NCALD: variants seen among roughly 807,000 people sequenced by gnomAD.
NCALD encodes neurocalcin delta.
Under a neutral mutation model 18.6 loss-of-function variants are expected in NCALD, and 10 were observed. The ratio of observed to expected loss-of-function variants is 0.54; its 90% CI spans 0.33 to 0.91. The LOEUF (loss-of-function observed/expected upper bound fraction) is 0.91, where lower values mean the gene tolerates loss of function less well. Among genes scored for constraint, NCALD ranks in the 40% least tolerant of loss-of-function variants. The pLI, the probability that NCALD is intolerant of heterozygous loss-of-function variation, is 0.03. For missense variants in NCALD, 184 were observed against 247.6 expected, an observed-to-expected ratio of 0.74 and a Z score of 1.72; for synonymous variants, 88 against 87.4, an observed-to-expected ratio of 1.01 and a Z score of -0.04.
chr8:101,925,666 ATTTC>A (rs1389100165), intron 2 of NCALD, among the ~76,000 whole-genome samples: 2 of 152,120 alleles, frequency 1.3e-5, no homozygotes, highest in East Asian at 1.9e-4. Context: ...AGGGCATGGG[ATTTC>A]TTTGAGTCAT....
intron 2 of NCALD, among the ~76,000 whole-genome samples, chr8:101,945,947 G>A (rs1260616710): frequency 6.6e-6 from 1 of 152,196 alleles, no homozygotes; most frequent in Non-Finnish European, 1.5e-5. Flanking sequence ...ACGGGCTCCA[G>A]AAGCCCTCCC....
chr8:101,839,564 G>T (rs1814556197), intron 4 of NCALD, among the ~76,000 whole-genome samples: 1 of 152,106 alleles, frequency 6.6e-6, no homozygotes, highest in Non-Finnish European at 1.5e-5. Context: ...CCTCACTAAA[G>T]AATACAATTA....
chr8:101,717,049 C>A (rs1193543698), intron 2 of NCALD, among the ~76,000 whole-genome samples: 1 of 152,220 alleles, frequency 6.6e-6, no homozygotes, highest in Non-Finnish European at 1.5e-5. Context: ...CTTCTGACCT[C>A]AAGAACAATA....
At chr8:101,989,258 T>C (rs1263994411) in intron 2 of NCALD, among the ~76,000 whole-genome samples, 2 of 152,168 alleles carry the variant, frequency 1.3e-5, no homozygotes, top group African/African-American at 4.8e-5. Flanking sequence ...AGCACACAGT[T>C]TTCAAAAGGA....
chr8:102,070,858 G>A (rs899851104), intron 1 of NCALD, among the ~76,000 whole-genome samples: 1 of 152,068 alleles, frequency 6.6e-6, no homozygotes, highest in African/African-American at 2.4e-5. Flanking sequence ...ATTCACATAA[G>A]CCCTCATCCT....
At chr8:102,006,449 T>G (rs1821715648) in intron 2 of NCALD, among the ~76,000 whole-genome samples, 1 of 152,206 alleles carries the variant, frequency 6.6e-6, no homozygotes, top group Non-Finnish European at 1.5e-5. Flanking sequence ...AAATTCTGGT[T>G]ATTGTCACTT....
intron 1 of NCALD, among the ~76,000 whole-genome samples, chr8:102,031,219 C>T (rs1458450088): frequency 6.6e-6 from 1 of 152,130 alleles, no homozygotes; most frequent in Non-Finnish European, 1.5e-5. Flanking sequence ...AAAATCTAGT[C>T]TATGAGAAAC....
At chr8:101,923,086 C>T (rs1818220832) in intron 2 of NCALD, among the ~76,000 whole-genome samples, 1 of 152,096 alleles carries the variant, frequency 6.6e-6, no homozygotes, top group Non-Finnish European at 1.5e-5. Context: ...TAAAAGAGGG[C>T]TTCACATAGC....
chr8:101,734,921 G>C (rs1038535830), intron 1 of NCALD, among the ~76,000 whole-genome samples: 1 of 152,156 alleles, frequency 6.6e-6, no homozygotes, highest in Non-Finnish European at 1.5e-5. Flanking sequence ...CTCTGAATGG[G>C]TCCAAAGCAG....
At chr8:101,954,252 A>G (rs1819539810) in intron 2 of NCALD, among the ~76,000 whole-genome samples, 1 of 152,138 alleles carries the variant, frequency 6.6e-6, no homozygotes, top group African/African-American at 2.4e-5. Flanking sequence ...TCAGTAGAAT[A>G]TGACAGGACT....
chr8:101,836,157 G>A (rs746301870), intron 4 of NCALD, among the ~76,000 whole-genome samples: 4 of 152,134 alleles, frequency 2.6e-5, no homozygotes, highest in Non-Finnish European at 5.9e-5. Context: ...ATACAAGAAG[G>A]AGATAAAGAC....
chr8:101,995,193 C>G (rs1002726692), intron 2 of NCALD, among the ~76,000 whole-genome samples: 1 of 152,190 alleles, frequency 6.6e-6, no homozygotes, highest in African/African-American at 2.4e-5. Context: ...AAAGCCAATT[C>G]AGCTGGCAAC....
chr8:101,705,711 G>A (rs2130224005), intron 2 of NCALD, among the ~76,000 whole-genome samples: 1 of 152,276 alleles, frequency 6.6e-6, no homozygotes, highest in East Asian at 1.9e-4. Context: ...GAGCTGCCAT[G>A]TGAGGAGTCT....
chr8:101,888,811 C>T (rs1816768560), intron 3 of NCALD, among the ~76,000 whole-genome samples: 1 of 152,170 alleles, frequency 6.6e-6, no homozygotes, highest in Admixed American at 6.5e-5. Context: ...GTATGAAGCA[C>T]TCTTCCATTT....
chr8:101,932,764 T>A (rs181397644), intron 2 of NCALD, among the ~76,000 whole-genome samples: 1 of 152,240 alleles, frequency 6.6e-6, no homozygotes, highest in African/African-American at 2.4e-5. Flanking sequence ...TTTGTTAAGG[T>A]GGGGAAAAGA....
At chr8:102,052,124 T>G (rs1260465984) in intron 1 of NCALD, among the ~76,000 whole-genome samples, 1 of 152,262 alleles carries the variant, frequency 6.6e-6, no homozygotes, top group Non-Finnish European at 1.5e-5. Flanking sequence ...TACAAAGAAC[T>G]ACTTTTAAAG....
At chr8:101,970,945 C>T (rs2131894114) in intron 2 of NCALD, among the ~76,000 whole-genome samples, 1 of 152,256 alleles carries the variant, frequency 6.6e-6, no homozygotes, top group Admixed American at 6.5e-5. Context: ...TTAATGCCAT[C>T]TTACAGGAGG....
Position 101,759,379 on chromosome 8 carries a change from G to A in NCALD, c.-20+31483C>T, listed in dbSNP as rs544730077. 4.0e-4 allele frequency among the ~76,000 whole-genome samples: 61 copies of A among 152,242 alleles called. 1 individual carries two copies. In the South Asian group the frequency reaches 0.012, roughly 30 times the overall value. ...GAGGGAGAGGGGGAAAAGGAGGGAA[G>A]GAAGAAGAGAGTCAGGGAAGAGGAG... On this transcript the variant is annotated intron_variant, in intron 1 of 3. Transcript: ENST00000220931.
chr8:101,912,173 ACAT>A (rs1407037837), intron 3 of NCALD, among the ~76,000 whole-genome samples: 1 of 152,178 alleles, frequency 6.6e-6, no homozygotes, highest in East Asian at 1.9e-4. Context: ...AAATTTACAA[ACAT>A]CATGTAAAAT....
Sources: allele counts gnomAD v4.1 joint callset (sites outside exome capture counted in the v4.1 genomes callset), GRCh38; gene constraint gnomAD v4.1.1; transcripts MANE v1.5; gene names NCBI Gene and HGNC (gene_info 2026-07-23, HGNC 2026-07-21).